The following POLN variants were observed in gnomAD, a reference collection of about 807,000 sequenced individuals.
POLN encodes the protein DNA polymerase nu, also known as DNA polymerase N.
Under a neutral mutation model 113.5 loss-of-function variants are expected in POLN, and 108 were observed. That is an observed-to-expected ratio of 0.95 (90% CI 0.81 to 1.12). POLN has a LOEUF of 1.12. Ranked by LOEUF, POLN falls within the 50% of genes most tolerant of loss-of-function variation. POLN has a pLI of 0.00. For synonymous variants in POLN, 386 were observed against 391.5 expected, an observed-to-expected ratio of 0.99 and a Z score of 0.17; for missense variants, 1,097 against 1,077.1, an observed-to-expected ratio of 1.02 and a Z score of -0.26.
At chr4:2,130,210 CA>C (rs1399141795) in intron 17 of POLN, among the ~76,000 whole-genome samples, 3 of 150,962 alleles carry the variant, frequency 2.0e-5, no homozygotes, top group Non-Finnish European at 4.4e-5. Context: ...CACAACACTG[CA>C]CTCCAGCCTG....
intron 4 of POLN, among the ~76,000 whole-genome samples, 168 bp downstream of exon 4, chr4:2,212,879 C>T (rs79228379): frequency 6.6e-6 from 1 of 152,014 alleles, no homozygotes; most frequent in Non-Finnish European, 1.5e-5. Context: ...CTACTTGCCC[C>T]TCCCTGCATC....
intron 13 of POLN, among the ~76,000 whole-genome samples, chr4:2,161,987 T>C (rs536861999): frequency 2.0e-4 from 31 of 152,056 alleles, no homozygotes; most frequent in Non-Finnish European, 3.7e-4. Flanking sequence ...AGCTCAGGGA[T>C]TGTAAATGCA....
chr4:2,151,646 T>C (rs1054509550), intron 16 of POLN, among the ~76,000 whole-genome samples: 7 of 152,112 alleles, frequency 4.6e-5, no homozygotes, highest in South Asian at 2.1e-4. Flanking sequence ...TAAAAAGAAA[T>C]GAGCTACTGA....
chr4:2,190,710 T>C (rs1287786357), intron 7 of POLN, among the ~76,000 whole-genome samples: 2 of 151,982 alleles, frequency 1.3e-5, no homozygotes, highest in African/African-American at 2.4e-5. Flanking sequence ...AATAGGCAAA[T>C]GATTTGAATA....
Position 2,080,052 on chromosome 4 carries a change from G to A in POLN, c.2387+906C>T, listed in dbSNP as rs35921438. 2.2e-3 allele frequency: 2,122 copies of A among 985,522 alleles called. 32 individuals are homozygous for A. In the African/African-American group the frequency reaches 0.034, roughly 16 times the overall value. 61.0% of individuals were successfully genotyped at this position (985,522 alleles called of 1,614,324 possible). On this transcript the variant is annotated intron_variant, in intron 23 of 25. Coordinates refer to ENST00000511885, the MANE Select transcript of POLN (RefSeq NM_181808.4). ...GAGCTTGAGGGCTCTTAGGGTGGGGGTGGGAAAACGTCCATGGTGTGTCAG... is the reference window on the plus strand; with the variant it reads ...GAGCTTGAGGGCTCTTAGGGTGGGGATGGGAAAACGTCCATGGTGTGTCAG...
chr4:2,157,967 G>T (rs1288749156), intron 14 of POLN, 56 bp from the exon 15 acceptor site: 21 of 1,412,222 alleles, frequency 1.5e-5, no homozygotes, highest in East Asian at 2.4e-5. Flanking sequence ...CTTTTTTTGT[G>T]GGGGGAAGGA....
intron 19 of POLN, among the ~76,000 whole-genome samples, chr4:2,101,470 G>C (rs1003422689): frequency 6.6e-6 from 1 of 152,330 alleles, no homozygotes; most frequent in Admixed American, 6.5e-5. Context: ...GAACCAGAGT[G>C]ACTCCCCAGT....
At chr4:2,146,558 G>A (rs944746292) in intron 16 of POLN, among the ~76,000 whole-genome samples, 3 of 152,016 alleles carry the variant, frequency 2.0e-5, no homozygotes, top group South Asian at 2.1e-4. Context: ...GCTGAATGAT[G>A]AATACACACA....
At chr4:2,080,125 G>A (rs1397422970) in intron 23 of POLN, 2 of 985,526 alleles carry the variant, frequency 2.0e-6, no homozygotes, top group Middle Eastern at 5.2e-4. Flanking sequence ...GCTGGGGCAG[G>A]TTAGCTCCCA....
rs985156753 is a variant in POLN, at chr4:2,100,190, G to A, written c.1983-4257C>T. On this transcript the variant is annotated intron_variant, in intron 19 of 25. Coordinates refer to ENST00000511885, the MANE Select transcript of POLN (RefSeq NM_181808.4). ...TCATAAAATTGCAGATAAATAGTGG[G>A]GGAAAGCCCACAAGTAAGTCTAGTG... Among the ~76,000 whole-genome samples the A allele has an allele frequency of 9.9e-5, 15 of 152,112 alleles. 1 individual carries two copies. Among genetic ancestry groups the A allele is most frequent in the Admixed American group, 9.2e-4 (14 of 15,274 alleles).
chr4:2,142,513 G>A (rs1732027638), intron 16 of POLN, among the ~76,000 whole-genome samples: 1 of 152,216 alleles, frequency 6.6e-6, no homozygotes, highest in African/African-American at 2.4e-5. Flanking sequence ...CTGGGCAAGT[G>A]TAAGAGACTC....
intron 19 of POLN, among the ~76,000 whole-genome samples, chr4:2,119,455 G>C (rs762111263): frequency 6.6e-6 from 1 of 152,070 alleles, no homozygotes; most frequent in African/African-American, 2.4e-5. Flanking sequence ...TGGAGCTGCA[G>C]TAATCAGCTC....
chr4:2,114,034 G>A (rs945483297), intron 19 of POLN, among the ~76,000 whole-genome samples: 4 of 151,478 alleles, frequency 2.6e-5, no homozygotes, highest in Non-Finnish European at 5.9e-5. Context: ...CAAGTAGCCT[G>A]CACTATAGGC....
At chr4:2,196,169 T>C (rs1166725861) in intron 6 of POLN, among the ~76,000 whole-genome samples, 1 of 152,202 alleles carries the variant, frequency 6.6e-6, no homozygotes, top group Non-Finnish European at 1.5e-5. Context: ...GTATGTCCCA[T>C]GCAATATTTG....
chr4:2,089,691 A>G, intron 20 of POLN: 1 of 690,300 alleles, frequency 1.4e-6, no homozygotes, highest in Non-Finnish European at 2.4e-6. Flanking sequence ...TGTTTTAAAA[A>G]TCAGATAGTG....
In POLN at chr4:2,237,093, A is replaced by C. The variant is rs1734793308; in HGVS notation, c.-13+4427T>G. On this transcript the variant is annotated intron_variant, in intron 2 of 25. Coordinates refer to ENST00000511885, the MANE Select transcript of POLN (RefSeq NM_181808.4). ...ACTTTAACTGCCACTAACGTACTTC[A>C]AAGTGCACTTCAGAGATAACCTCCA... 1.3e-5 allele frequency among the ~76,000 whole-genome samples: 2 copies of C among 152,082 alleles called. 1 individual carries two copies. The highest frequency in any genetic ancestry group is 4.1e-4 in the South Asian group (2 of 4,832).
chr4:2,229,099 T>C lies in POLN; in HGVS notation c.133A>G (p.Thr45Ala). ...AGAAAGGTTCATAAAAATTACTTAC[T>C]CTCTGTACTCTTTCCCCAAGTCTTA... Reference protein sequence around the residue: ...DSKTWGKSTETMEVINKSSVK... With the variant: ...DSKTWGKSTEAMEVINKSSVK... Residue 45 changes from threonine to alanine, a missense_variant and splice_region_variant, in exon 3 of 26, where the codon ACT becomes GCT. Thr to Ala is a moderately conservative substitution (Grantham distance 58). Coordinates refer to ENST00000511885, the MANE Select transcript of POLN (RefSeq NM_181808.4). 1 of 1,590,776 alleles carries C rather than the reference T, an allele frequency of 6.3e-7. No individual in the cohort carries two copies. Among genetic ancestry groups the C allele is most frequent in the Non-Finnish European group, 8.6e-7 (1 of 1,167,966 alleles).
chr4:2,122,534 G>C (rs1213455949), intron 19 of POLN, among the ~76,000 whole-genome samples: 1 of 152,028 alleles, frequency 6.6e-6, no homozygotes, highest in African/African-American at 2.4e-5. Context: ...AGCTCAATGA[G>C]ATACCACTTC....
At chr4:2,118,195 T>C (rs1731362025) in intron 19 of POLN, among the ~76,000 whole-genome samples, 1 of 152,232 alleles carries the variant, frequency 6.6e-6, no homozygotes, top group Non-Finnish European at 1.5e-5. Context: ...GCCAGAGCTA[T>C]GTTGCCCAAC....
Sources: allele counts gnomAD v4.1 joint callset (sites outside exome capture counted in the v4.1 genomes callset), GRCh38; gene constraint gnomAD v4.1.1; transcripts MANE v1.5; gene names NCBI Gene and HGNC (gene_info 2026-07-23, HGNC 2026-07-21).